Variants in ZFP2 observed in about 807,000 individuals in gnomAD.
ZFP2 encodes the protein zinc finger protein ZFP2.
Under a neutral mutation model 36.1 loss-of-function variants are expected in ZFP2, and 33 were observed. The observed-to-expected ratio is 0.92, with a 90% CI of 0.69 to 1.22. The LOEUF is 1.22. Ranked by LOEUF, ZFP2 falls within the 50% of genes most tolerant of loss-of-function variation. The probability of loss-of-function intolerance (pLI) is 0.00; values close to 1 mark genes in which losing one functional copy is unlikely to be tolerated. For synonymous variants in ZFP2, 170 were observed against 178.0 expected, an observed-to-expected ratio of 0.96 and a Z score of 0.36; for missense variants, 522 against 551.4, an observed-to-expected ratio of 0.95 and a Z score of 0.53.
chr5:178,910,028 C>T, intron 1 of ZFP2: 1 of 1,448,340 alleles, frequency 6.9e-7, no homozygotes, highest in Non-Finnish European at 9.7e-7. Context: ...GATGCAGTGA[C>T]CACTGCCCTT....
At chr5:178,896,906 C>A (rs1757956138) in intron 1 of ZFP2, among the ~76,000 whole-genome samples, 2 of 152,132 alleles carry the variant, frequency 1.3e-5, no homozygotes, top group Admixed American at 6.5e-5. Context: ...CTGAAAAAAA[C>A]ATTGGAATAT....
At chr5:178,918,642 C>T (rs930967256) in intron 4 of ZFP2, among the ~76,000 whole-genome samples, 13 of 152,152 alleles carry the variant, frequency 8.5e-5, no homozygotes, top group African/African-American at 3.1e-4. Context: ...GCAGAAAAAG[C>T]ATTCCAAGCC....
intron 1 of ZFP2, among the ~76,000 whole-genome samples, chr5:178,909,300 T>C (rs1010328192): frequency 6.6e-6 from 1 of 152,220 alleles, no homozygotes; most frequent in Non-Finnish European, 1.5e-5. Context: ...TGTTTCCCAT[T>C]ATCTCAAGCA....
chr5:178,898,054 G>A (rs1453856589), intron 1 of ZFP2, among the ~76,000 whole-genome samples: 2 of 152,038 alleles, frequency 1.3e-5, no homozygotes, highest in Admixed American at 6.6e-5. Flanking sequence ...GCAGTGGTGT[G>A]ATCTCGACAC....
At chr5:178,906,943 A>G (rs1758179020) in intron 1 of ZFP2, among the ~76,000 whole-genome samples, 2 of 151,820 alleles carry the variant, frequency 1.3e-5, no homozygotes, top group African/African-American at 2.4e-5. Flanking sequence ...AAGCTGAACT[A>G]TACAAGTTCC....
Position 178,932,229 on chromosome 5 carries a change from T to C in ZFP2, c.916T>C (p.Ser306Pro). ...TTACAAATGTAACAAATGCGGGAAATCCTTTAGCCAAAGTACATATCTTAT... is the reference window on the plus strand; with the variant it reads ...TTACAAATGTAACAAATGCGGGAAACCCTTTAGCCAAAGTACATATCTTAT... ...KPYKCNKCGK[S>P]FSQSTYLIEH... The change falls in exon 5 of 5, where the codon TCC (serine) becomes CCC (proline). Residue 306 changes from serine to proline, a missense_variant. Physicochemically the swap from Ser to Pro is moderately conservative, Grantham distance 74. Coordinates refer to ENST00000361362, the MANE Select transcript of ZFP2 (RefSeq NM_030613.4). 1.2e-6 allele frequency: 2 copies of C among 1,614,126 alleles called. No individual in the cohort carries two copies. Among genetic ancestry groups the C allele is most frequent in the Admixed American group, 3.3e-5 (2 of 60,020 alleles).
Position 178,897,785 on chromosome 5 carries a change from G to C in ZFP2, c.-450+1811G>C, listed in dbSNP as rs562456548. ...GGAGAGTTTATCTGTTTTATTTACA[G>C]CTGTATCCACCCCTACCCCATGCAA... On this transcript the variant is annotated intron_variant, in intron 1 of 4. Coordinates refer to ENST00000361362, the MANE Select transcript of ZFP2 (RefSeq NM_030613.4). 2.0e-5 allele frequency among the ~76,000 whole-genome samples: 3 copies of C among 152,204 alleles called. No individual in the cohort carries two copies. The South Asian group carries it at 6.2e-4, about 32-fold the overall frequency.
chr5:178,909,061 C>T (rs577750069), intron 1 of ZFP2, among the ~76,000 whole-genome samples: 9 of 147,686 alleles, frequency 6.1e-5, no homozygotes, highest in South Asian at 2.2e-4. Flanking sequence ...GGGCTCAGGG[C>T]GTAAAACCCC....
chr5:178,905,730 A>G (rs1192585423), intron 1 of ZFP2, among the ~76,000 whole-genome samples: 1 of 152,044 alleles, frequency 6.6e-6, no homozygotes, highest in African/African-American at 2.4e-5. Context: ...ACTAAGTTCC[A>G]TGTTCACTTT....
In ZFP2 at chr5:178,931,265, GC is replaced by G. The variant is rs748002614; in HGVS notation, c.-47del. On this transcript the variant is annotated 5_prime_UTR_variant, in exon 5 of 5. Transcript: ENST00000361362. ...GGGAGACAAGACTTGAAACCAAAGA[GC>G]CAACTCCGAAGCCGGGTATTACTGA... The G allele has an allele frequency of 1.1e-5, 17 of 1,521,050 alleles. No homozygotes were observed. The East Asian group carries it at 3.6e-4, about 33-fold the overall frequency. 94.2% of individuals were successfully genotyped at this position (1,521,050 alleles called of 1,614,324 possible). A position where few individuals can be genotyped will look rare whatever the true frequency, so the allele number is the denominator to read the frequency against.
In ZFP2 at chr5:178,913,003, A is replaced by G. The variant is rs566370816; in HGVS notation, c.-292A>G. 27 of 985,918 alleles carry G rather than the reference A, an allele frequency of 2.7e-5. No individual in the cohort carries two copies. In the Admixed American group the frequency reaches 9.2e-4, roughly 34 times the overall value. The allele number at this position is 985,918 out of a possible 1,614,324, so 61.1% of individuals were successfully genotyped here. On this transcript the variant is annotated 5_prime_UTR_variant, in exon 3 of 5. An upstream start codon of the reference 5' UTR is lost. Transcript: ENST00000361362. The stretch of plus-strand genomic sequence containing the variant: ...GCAGGAAATCACCTTTCCAAACCCA[A>G]TGGGACTTCCCAGCTGGAACGAGAA...
intron 4 of ZFP2, among the ~76,000 whole-genome samples, chr5:178,917,068 T>C (rs1311898226): frequency 1.3e-5 from 2 of 152,218 alleles, no homozygotes; most frequent in Non-Finnish European, 2.9e-5. Flanking sequence ...AACTGACTAA[T>C]TTTGAGAAAA....
intron 4 of ZFP2, 76 bp from the exon 5 acceptor site, chr5:178,931,161 C>T (rs1758825414): frequency 3.6e-6 from 5 of 1,393,558 alleles, no homozygotes; most frequent in African/African-American, 1.5e-5. Context: ...GTTTAATTCT[C>T]TCATTCCTAC....
chr5:178,925,197 C>G (rs1758646481), intron 4 of ZFP2, among the ~76,000 whole-genome samples: 1 of 145,736 alleles, frequency 6.9e-6, no homozygotes, highest in Non-Finnish European at 1.5e-5. Context: ...TGTGCCTTTG[C>G]TTATTCATTC....
intron 1 of ZFP2, among the ~76,000 whole-genome samples, chr5:178,909,517 C>T (rs1758244401): frequency 6.6e-6 from 1 of 152,204 alleles, no homozygotes; most frequent in Admixed American, 6.5e-5. Flanking sequence ...TCACTCTTGA[C>T]TTCTCTTTGC....
At chr5:178,907,375 T>C (rs979583055) in intron 1 of ZFP2, among the ~76,000 whole-genome samples, 1 of 151,334 alleles carries the variant, frequency 6.6e-6, no homozygotes, top group African/African-American at 2.4e-5. Context: ...TATGTATATA[T>C]ACATATTTGG....
chr5:178,912,009 T>C (rs1758306920), intron 1 of ZFP2, among the ~76,000 whole-genome samples: 1 of 152,142 alleles, frequency 6.6e-6, no homozygotes, highest in Non-Finnish European at 1.5e-5. Context: ...GGTGGGCACC[T>C]GTAATCCCAG....
intron 4 of ZFP2, among the ~76,000 whole-genome samples, chr5:178,923,269 C>T (rs1251421181): frequency 6.7e-6 from 1 of 149,634 alleles, no homozygotes; most frequent in African/African-American, 2.4e-5. Flanking sequence ...CTAATGAAAA[C>T]TCTATATCCT....
chr5:178,906,442 C>G (rs1315904386), intron 1 of ZFP2, among the ~76,000 whole-genome samples: 1 of 152,176 alleles, frequency 6.6e-6, no homozygotes, highest in Non-Finnish European at 1.5e-5. Flanking sequence ...CCTGCTATAT[C>G]CTGTGTCTGC....
Sources: gnomAD v4.1 joint callset for allele counts (sites outside exome capture counted in the v4.1 genomes callset) on GRCh38, gnomAD v4.1.1 for gene constraint, MANE v1.5 for transcripts, NCBI Gene and HGNC (gene_info 2026-07-23, HGNC 2026-07-21) for gene names.